AGBL4: variants seen among roughly 807,000 people sequenced by gnomAD.
AGBL4 encodes cytosolic carboxypeptidase 6.
Under a neutral mutation model 66.4 loss-of-function variants are expected in AGBL4, and 58 were observed. The observed-to-expected ratio is 0.87, with a 90% CI of 0.71 to 1.09. The LOEUF is 1.09. Ranked by LOEUF, AGBL4 falls within the 50% of genes least tolerant of loss-of-function variation. The probability of loss-of-function intolerance (pLI) is 0.00; values close to 1 mark genes in which losing one functional copy is unlikely to be tolerated. For synonymous variants in AGBL4, 234 were observed against 222.9 expected (o/e 1.05, Z -0.44); for missense variants, 579 against 631.0 (o/e 0.92, Z 0.88).
intron 3 of AGBL4, among the ~76,000 whole-genome samples, chr1:49,365,345 T>G (rs1331723206): frequency 2.6e-5 from 4 of 151,950 alleles, no homozygotes; most frequent in Admixed American, 2.6e-4. Flanking sequence ...ATGGAAACAA[T>G]AGTAATAATG....
At chr1:49,396,470 T>C (rs115678839) in intron 3 of AGBL4, among the ~76,000 whole-genome samples, 5 of 152,212 alleles carry the variant, frequency 3.3e-5, no homozygotes, top group Non-Finnish European at 7.4e-5. Context: ...CCATATATAA[T>C]CGAGCTAAAA....
chr1:49,323,134 T>C (rs1482562725), intron 3 of AGBL4, among the ~76,000 whole-genome samples: 2 of 152,212 alleles, frequency 1.3e-5, no homozygotes, highest in African/African-American at 4.8e-5. Context: ...ACACTCATTG[T>C]AAATGGTCCA....
intron 3 of AGBL4, among the ~76,000 whole-genome samples, chr1:49,420,926 A>G (rs1198283194): frequency 6.6e-6 from 1 of 152,138 alleles, no homozygotes; most frequent in Non-Finnish European, 1.5e-5. Flanking sequence ...GTGGTAAAGA[A>G]CATAAGACAT....
chr1:49,942,666 G>A (rs1654872136), intron 1 of AGBL4, among the ~76,000 whole-genome samples: 1 of 152,018 alleles, frequency 6.6e-6, no homozygotes, highest in Non-Finnish European at 1.5e-5. Context: ...TGTACCATAC[G>A]TACACAAAAA....
chr1:49,722,927 C>T (rs1648721536), intron 2 of AGBL4, among the ~76,000 whole-genome samples: 1 of 152,224 alleles, frequency 6.6e-6, no homozygotes, highest in South Asian at 2.1e-4. Context: ...GCAGTAGTCA[C>T]ATCTCACTCC....
At chr1:48,778,203 T>G (rs1645188504) in intron 6 of AGBL4, among the ~76,000 whole-genome samples, 1 of 151,766 alleles carries the variant, frequency 6.6e-6, no homozygotes, top group Non-Finnish European at 1.5e-5. Flanking sequence ...ATCTGTTCAT[T>G]CATTCCTTTA....
chr1:49,950,121 CAT>C (rs1477288715), intron 1 of AGBL4, among the ~76,000 whole-genome samples: 12 of 136,748 alleles, frequency 8.8e-5, no homozygotes, highest in East Asian at 4.2e-4. Flanking sequence ...TGTATATACA[CAT>C]ATGTGTATAT....
chr1:49,881,022 G>A lies in AGBL4; in HGVS notation c.35-29504C>T, dbSNP rs980802777. Among the ~76,000 whole-genome samples the A allele has an allele frequency of 2.5e-4, 38 of 152,196 alleles. 1 individual carries two copies. The highest frequency in any genetic ancestry group is 7.2e-4 in the African/African-American group (30 of 41,516). On this transcript the variant is annotated intron_variant, in intron 1 of 13. Transcript: ENST00000371839. The stretch of plus-strand genomic sequence containing the variant: ...AATGCCTTGCCCTGCTTAGGCTCGC[G>A]CACAGTGCGCGCACCCACTGGCCTG...
At chr1:49,686,062 G>C (rs545725266) in intron 3 of AGBL4, among the ~76,000 whole-genome samples, 29 of 152,170 alleles carry the variant, frequency 1.9e-4, no homozygotes, top group Non-Finnish European at 2.6e-4. Context: ...TCTATTTTGA[G>C]TTGATTTTTA....
At chr1:49,708,357 T>C (rs1245013230) in intron 2 of AGBL4, among the ~76,000 whole-genome samples, 1 of 152,010 alleles carries the variant, frequency 6.6e-6, no homozygotes, top group Non-Finnish European at 1.5e-5. Context: ...CTATTGATAT[T>C]TGTATAAGCT....
In AGBL4 at chr1:49,851,463, CA is replaced by C; in HGVS notation, c.89del (p.Val30GlyfsTer61). The C allele has an allele frequency of 6.4e-7, 1 of 1,550,390 alleles. No individual in the cohort carries two copies. The highest frequency in any genetic ancestry group is 8.7e-7 in the Non-Finnish European group (1 of 1,146,194). Reference protein sequence around the residue: ...AIGGNVSKYIVLPTGYCGQPK... With the variant: ...AIGGNVSKYIXLPTGYCGQPK... ...GCTGTCCACAATAGCCAGTTGGAAG[CA>C]CTATATATTTGCTCACATTCCCTCC... On this transcript the variant is annotated frameshift_variant, in exon 2 of 14. Transcript: ENST00000371839. LOFTEE classifies it high-confidence loss of function.
rs1167904868 is a variant in AGBL4 at position 49,948,459 on chromosome 1, A to G, written c.34+75304T>C. Among the ~76,000 whole-genome samples the G allele has an allele frequency of 8.9e-4, 48 of 53,652 alleles. 1 individual carries two copies. The highest frequency in any genetic ancestry group is 2.5e-3 in the African/African-American group (44 of 17,742). 35.2% of individuals were successfully genotyped at this position (53,652 alleles called of 152,430 possible). On this transcript the variant is annotated intron_variant, in intron 1 of 13. Coordinates refer to ENST00000371839, the MANE Select transcript of AGBL4 (RefSeq NM_032785.4). Reference sequence around the variant, plus strand: ...TAAATATATATAAATATATAAATATAGATAAATATATAAATATATAAATAT... The same window carrying G: ...TAAATATATATAAATATATAAATATGGATAAATATATAAATATATAAATAT...
At chr1:49,360,374 A>G (rs1016072373) in intron 3 of AGBL4, among the ~76,000 whole-genome samples, 5 of 152,382 alleles carry the variant, frequency 3.3e-5, no homozygotes, top group African/African-American at 1.2e-4. Context: ...ATATAGTAGA[A>G]TAATAAATTC....
At chr1:49,650,266 G>A (rs1645976558) in intron 3 of AGBL4, among the ~76,000 whole-genome samples, 1 of 152,154 alleles carries the variant, frequency 6.6e-6, no homozygotes, top group Admixed American at 6.6e-5. Flanking sequence ...AAAAAAGCTG[G>A]GGGCACAGAA....
chr1:49,966,709 T>C lies in AGBL4; in HGVS notation c.34+57054A>G, dbSNP rs4459154. On this transcript the variant is annotated intron_variant, in intron 1 of 13. Coordinates refer to ENST00000371839, the MANE Select transcript of AGBL4 (RefSeq NM_032785.4). ...TATATCATTAAGTGTCTTGTAAATA[T>C]TATCTAAAGGGTTATGAACAATACT... 5.9e-3 allele frequency among the ~76,000 whole-genome samples: 902 copies of C among 152,240 alleles called. 10 individuals carry two copies. Among genetic ancestry groups the C allele is most frequent in the African/African-American group, 0.021 (861 of 41,544 alleles).
chr1:49,005,255 T>TA (rs1661696131), intron 5 of AGBL4, among the ~76,000 whole-genome samples: 1 of 152,236 alleles, frequency 6.6e-6, no homozygotes, highest in Admixed American at 6.5e-5. Context: ...TTCCATACAG[T>TA]AGTCCCTACT....
intron 6 of AGBL4, among the ~76,000 whole-genome samples, chr1:48,819,407 C>T (rs1646261002): frequency 6.6e-6 from 1 of 152,056 alleles, no homozygotes; most frequent in East Asian, 1.9e-4. Flanking sequence ...GAGAGGTTGG[C>T]ATTTATCCTG....
intron 3 of AGBL4, among the ~76,000 whole-genome samples, chr1:49,250,790 C>T (rs1651994431): frequency 6.6e-6 from 1 of 152,152 alleles, no homozygotes; most frequent in Non-Finnish European, 1.5e-5. Flanking sequence ...GAGTCACCCA[C>T]TCTCACTACC....
intron 5 of AGBL4, among the ~76,000 whole-genome samples, chr1:48,936,269 A>T (rs1300392857): frequency 6.6e-6 from 1 of 152,134 alleles, no homozygotes; most frequent in African/African-American, 2.4e-5. Context: ...ACTATGAAGA[A>T]AAAGTACAAG....
Sources: allele counts gnomAD v4.1 joint callset (sites outside exome capture counted in the v4.1 genomes callset), GRCh38; gene constraint gnomAD v4.1.1; transcripts MANE v1.5; gene names NCBI Gene and HGNC (gene_info 2026-07-23, HGNC 2026-07-21).